Variants in ATP2B2 observed in about 807,000 individuals in gnomAD.
The protein encoded by ATP2B2 is ATPase plasma membrane Ca2+ transporting 2.
Under a neutral mutation model 120.0 loss-of-function variants are expected in ATP2B2, and 15 were observed. The observed-to-expected ratio is 0.12, with a 90% CI of 0.08 to 0.19. The LOEUF is 0.19. Among genes scored for constraint, ATP2B2 ranks in the 10% least tolerant of loss-of-function variants. The pLI, the probability that ATP2B2 is intolerant of heterozygous loss-of-function variation, is 1.00. For synonymous variants in ATP2B2, 694 were observed against 700.3 expected, an observed-to-expected ratio of 0.99 and a Z score of 0.14; for missense variants, 1,045 against 1,719.8, an observed-to-expected ratio of 0.61 and a Z score of 6.94.
intron 2 of ATP2B2, among the ~76,000 whole-genome samples, chr3:10,545,444 G>A (rs112031109): frequency 0.027 from 4,025 of 151,720 alleles, 74 homozygotes; most frequent in Middle Eastern, 0.092. Flanking sequence ...CGAGAGAATC[G>A]CTTGAACTCA....
At position 10,449,586 on chromosome 3, in the gene ATP2B2, C is replaced by A. The variant is rs771578383; in HGVS notation, c.-43G>T. On this transcript the variant is annotated 5_prime_UTR_variant, in exon 2 of 23. Transcript: ENST00000360273. ...CTCGGGCTGGGCCCAAGGGTCAGCGCTGGACAAGAGGCTGCCGGGTGATGG... is the reference window on the plus strand; with the variant it reads ...CTCGGGCTGGGCCCAAGGGTCAGCGATGGACAAGAGGCTGCCGGGTGATGG... 8.1e-6 allele frequency: 13 copies of A among 1,611,814 alleles called. No individual in the cohort carries two copies. The South Asian group carries it at 1.4e-4, about 18-fold the overall frequency.
chr3:10,384,956 G>A (rs1444837975), intron 8 of ATP2B2, among the ~76,000 whole-genome samples: 1 of 152,230 alleles, frequency 6.6e-6, no homozygotes. Context: ...GCCATGCCAG[G>A]TGGGACGCTC....
chr3:10,359,549 G>A (rs1278160070), intron 13 of ATP2B2, among the ~76,000 whole-genome samples: 2 of 152,174 alleles, frequency 1.3e-5, no homozygotes, highest in South Asian at 2.1e-4. Context: ...CTACGCTAAA[G>A]GAAATGAAAT....
At chr3:10,547,971 G>A (rs1208569202) in intron 2 of ATP2B2, among the ~76,000 whole-genome samples, 1 of 152,242 alleles carries the variant, frequency 6.6e-6, no homozygotes, top group Non-Finnish European at 1.5e-5. Flanking sequence ...CACTGGGCAA[G>A]GAGTCTGGGC....
intron 2 of ATP2B2, among the ~76,000 whole-genome samples, chr3:10,567,065 C>T (rs1218685735): frequency 6.6e-6 from 1 of 152,202 alleles, no homozygotes; most frequent in African/African-American, 2.4e-5. Flanking sequence ...CCCATTCCCT[C>T]TCCTCACCAT....
intron 1 of ATP2B2, among the ~76,000 whole-genome samples, chr3:10,502,077 G>A (rs1223227381): frequency 3.3e-5 from 5 of 152,210 alleles, no homozygotes; most frequent in Non-Finnish European, 7.3e-5. Flanking sequence ...GACAGCAGGC[G>A]GATGGGCCAG....
intron 1 of ATP2B2, among the ~76,000 whole-genome samples, chr3:10,677,539 T>C (rs556056378): frequency 6.6e-6 from 1 of 152,312 alleles, no homozygotes; most frequent in South Asian, 2.1e-4. Context: ...TGAACCCTAA[T>C]GCAATAATGG....
At chr3:10,497,210 G>A (rs1486099477) in intron 1 of ATP2B2, among the ~76,000 whole-genome samples, 1 of 152,206 alleles carries the variant, frequency 6.6e-6, no homozygotes, top group African/African-American at 2.4e-5. Context: ...GTATCTGCTG[G>A]TGGCTTCTTC....
chr3:10,417,396 T>G (rs2062828869), intron 2 of ATP2B2, among the ~76,000 whole-genome samples: 1 of 152,174 alleles, frequency 6.6e-6, no homozygotes, highest in African/African-American at 2.4e-5. Context: ...GGGAAGGACT[T>G]TCTAATGGGT....
At chr3:10,604,336 C>A (rs2069003814) in intron 2 of ATP2B2, among the ~76,000 whole-genome samples, 1 of 152,182 alleles carries the variant, frequency 6.6e-6, no homozygotes, top group Non-Finnish European at 1.5e-5. Context: ...GGCAGGTGGG[C>A]TAAAGTCATA....
intron 2 of ATP2B2, among the ~76,000 whole-genome samples, chr3:10,602,991 T>A (rs2068964604): frequency 6.6e-6 from 1 of 152,108 alleles, no homozygotes; most frequent in African/African-American, 2.4e-5. Context: ...TTCTCCCACA[T>A]CCCCTCTGTT....
At chr3:10,702,160 C>T (rs781076417) in intron 1 of ATP2B2, among the ~76,000 whole-genome samples, 1 of 152,118 alleles carries the variant, frequency 6.6e-6, no homozygotes, top group Admixed American at 6.5e-5. Context: ...ACCCAAGGAA[C>T]GGATTTGAGA....
At chr3:10,398,974 C>G (rs2062132925) in intron 5 of ATP2B2, among the ~76,000 whole-genome samples, 1 of 152,190 alleles carries the variant, frequency 6.6e-6, no homozygotes, top group Non-Finnish European at 1.5e-5. Flanking sequence ...CCCGTCGTAT[C>G]TTTTCCAGGG....
At chr3:10,657,648 C>T (rs2070670707) in intron 1 of ATP2B2, among the ~76,000 whole-genome samples, 2 of 152,238 alleles carry the variant, frequency 1.3e-5, no homozygotes, top group Admixed American at 1.3e-4. Flanking sequence ...GCCTGCCTGC[C>T]TCTGTAGACT....
At chr3:10,380,088 G>A (rs768271818) in intron 8 of ATP2B2, among the ~76,000 whole-genome samples, 8 of 152,216 alleles carry the variant, frequency 5.3e-5, no homozygotes, top group Non-Finnish European at 8.8e-5. Context: ...TCAGGCTACA[G>A]CAGCAGGCTA....
At chr3:10,547,481 C>T (rs914033883) in intron 2 of ATP2B2, among the ~76,000 whole-genome samples, 1 of 152,146 alleles carries the variant, frequency 6.6e-6, no homozygotes, top group African/African-American at 2.4e-5. Context: ...CACACCTTTC[C>T]TAACAACAGC....
At chr3:10,434,905 C>T (rs1040222156) in intron 2 of ATP2B2, among the ~76,000 whole-genome samples, 1 of 152,248 alleles carries the variant, frequency 6.6e-6, no homozygotes, top group Non-Finnish European at 1.5e-5. Flanking sequence ...CCTCCCCTGG[C>T]CCCTCTTCCT....
chr3:10,611,699 G>A (rs1300592560), intron 2 of ATP2B2, among the ~76,000 whole-genome samples: 3 of 152,108 alleles, frequency 2.0e-5, no homozygotes, highest in Admixed American at 6.5e-5. Flanking sequence ...ATTTCTGCCC[G>A]TCTCCTCGCC....
At chr3:10,459,801 G>C (rs1454744204) in intron 1 of ATP2B2, among the ~76,000 whole-genome samples, 2 of 152,218 alleles carry the variant, frequency 1.3e-5, no homozygotes, top group Admixed American at 1.3e-4. Context: ...CTTTGCACTG[G>C]TACTCCAGCC....
Sources: allele counts gnomAD v4.1 joint callset (sites outside exome capture counted in the v4.1 genomes callset), GRCh38; gene constraint gnomAD v4.1.1; transcripts MANE v1.5; gene names NCBI Gene and HGNC (gene_info 2026-07-23, HGNC 2026-07-21).